The following KLK6 variants were observed in gnomAD, a reference collection of about 807,000 sequenced individuals.
The protein encoded by KLK6 is kallikrein related peptidase 6.
Under a neutral mutation model 21.7 loss-of-function variants are expected in KLK6, and 16 were observed. The observed-to-expected ratio is 0.74, with a 90% CI of 0.50 to 1.12. The LOEUF is 1.12. KLK6 is among the 50% of genes most tolerant of loss of function. The pLI is 0.00. For missense variants in KLK6, 276 were observed against 304.6 expected (o/e 0.91, Z 0.70); for synonymous variants, 116 against 120.1 (o/e 0.97, Z 0.22).
chr19:50,959,441 CT>C, intron 6 of KLK6, 125 bp from the exon 7 acceptor site: 6 of 822,560 alleles, frequency 7.3e-6, no homozygotes, highest in Non-Finnish European at 1.1e-5. Flanking sequence ...GACAGAGGTA[CT>C]TACTGAAAGA....
At chr19:50,962,829 C>A in intron 5 of KLK6, 1 of 170,014 alleles carries the variant, frequency 5.9e-6, no homozygotes, top group South Asian at 1.5e-4. Flanking sequence ...GACCATTGAT[C>A]CTTTCCCCTT....
intron 3 of KLK6, 70 bp from the exon 4 acceptor site, chr19:50,967,395 T>G: frequency 5.5e-6 from 8 of 1,441,790 alleles, no homozygotes; most frequent in Non-Finnish European, 7.5e-6. Context: ...CAACATGAAC[T>G]CCAGTCAAGA....
chr19:50,961,839 C>T lies in KLK6; in HGVS notation c.487G>A (p.Val163Met), dbSNP rs1274404450. Residue 163 changes from valine to methionine, a missense_variant, in exon 6 of 7, where the codon GTG becomes ATG. By Grantham distance (21) the Val-to-Met change is conservative (BLOSUM62 1). Transcript: ENST00000310157. ...DTIQCAYIHL[V>M]SREECEHAYP... ...GCATGCTCACACTCCTCACGGGACA[C>T]CAGGTGGATGTATGCACACTGGATG... 6 of 1,614,038 alleles carry T rather than the reference C, an allele frequency of 3.7e-6. No individual in the cohort carries two copies. Among genetic ancestry groups the T allele is most frequent in the Admixed American group, 3.3e-5 (2 of 60,010 alleles).
Position 50,967,164 on chromosome 19 carries a change from C to T in KLK6, c.197+5G>A. 6.2e-7 allele frequency: 1 copy of T among 1,609,586 alleles called. No individual in the cohort carries two copies. The highest frequency in any genetic ancestry group is 8.5e-7 in the Non-Finnish European group (1 of 1,178,094). On this transcript the variant is annotated splice_donor_5th_base_variant and intron_variant, in intron 4 of 6. Transcript: ENST00000310157. ...ATCTGCTGTTCATTTACAGTGTAGA[C>T]TCACGGTTTTTTGCAGTGGGCAGCT... is the stretch of plus-strand genomic sequence containing the variant.
In KLK6 at chr19:50,964,733, C is replaced by T. The variant is rs191917301; in HGVS notation, c.198-1184G>A. ...TATTCCTGAAACAGAGAGTCACTCC[C>T]TTGCTCAGACATCACCCATGGCTCC... On this transcript the variant is annotated intron_variant, in intron 4 of 6. Transcript: ENST00000310157. Among the ~76,000 whole-genome samples, 352 of 152,336 alleles carry T rather than the reference C, an allele frequency of 2.3e-3. 1 individual carries two copies. Among genetic ancestry groups the T allele is most frequent in the African/African-American group, 8.0e-3 (334 of 41,582 alleles).
In KLK6 at chr19:50,963,288, C is replaced by T. The variant is rs1394614009; in HGVS notation, c.445+14G>A. On this transcript the variant is annotated intron_variant, in intron 5 of 6. Transcript: ENST00000310157. Reference sequence around the variant, plus strand: ...AGCCAGTAGCCTGCTCCCCACCAGCCTCCCACTACTGACCATCTGCTGTCT... The same window carrying T: ...AGCCAGTAGCCTGCTCCCCACCAGCTTCCCACTACTGACCATCTGCTGTCT... The T allele has an allele frequency of 2.5e-6, 4 of 1,605,250 alleles. No homozygotes were observed. Among genetic ancestry groups the T allele is most frequent in the Middle Eastern group, 1.7e-4 (1 of 6,052 alleles).
At chr19:50,964,819 T>C (rs2090899792) in intron 4 of KLK6, among the ~76,000 whole-genome samples, 1 of 152,212 alleles carries the variant, frequency 6.6e-6, no homozygotes, top group African/African-American at 2.4e-5. Flanking sequence ...CTGTGTGATC[T>C]GGCTGTAGTC....
At chr19:50,967,977 A>G (rs552963631) in intron 3 of KLK6, 88 bp downstream of exon 3, 5 of 1,065,840 alleles carry the variant, frequency 4.7e-6, no homozygotes, top group Admixed American at 3.6e-5. Context: ...AACCCTGTGC[A>G]TATCCCCATC....
intron 4 of KLK6, among the ~76,000 whole-genome samples, chr19:50,963,946 T>C (rs1189432766): frequency 6.6e-6 from 1 of 152,166 alleles, no homozygotes; most frequent in African/African-American, 2.4e-5. Flanking sequence ...ATTTTAACAA[T>C]GTAAGTTGGT....
rs199553271 is a variant in KLK6 at position 50,968,061 on chromosome 19, C to G, written c.40+4G>C. ...CCTCCCCCATCCAAATGCCCTTTCC[C>G]CACCTGCAGCAATCAGACTCAGCAC... On this transcript the variant is annotated splice_donor_region_variant and intron_variant, in intron 3 of 6. Coordinates refer to ENST00000310157, the MANE Select transcript of KLK6 (RefSeq NM_002774.4). 2.5e-6 allele frequency: 4 copies of G among 1,613,948 alleles called. No individual in the cohort carries two copies. The highest frequency in any genetic ancestry group is 3.4e-6 in the Non-Finnish European group (4 of 1,179,930).
At chr19:50,969,294 C>T (rs2569520) in intron 1 of KLK6, among the ~76,000 whole-genome samples, 196 bp downstream of exon 1, 2,587 of 152,158 alleles carry the variant, frequency 0.017, 60 homozygotes, top group African/African-American at 0.057. Context: ...CTTAGACCTC[C>T]GGGTTTTGGA....
At chr19:50,966,182 C>G (rs1309259018) in intron 4 of KLK6, among the ~76,000 whole-genome samples, 1 of 152,186 alleles carries the variant, frequency 6.6e-6, no homozygotes, top group African/African-American at 2.4e-5. Flanking sequence ...TCAGATGCTC[C>G]CCTGCCTACA....
intron 3 of KLK6, among the ~76,000 whole-genome samples, chr19:50,967,552 A>ACACACACACACACAC (rs1555781654): frequency 3.2e-4 from 16 of 50,616 alleles, no homozygotes; most frequent in African/African-American, 2.0e-3. Context: ...CACACACACA[A>ACACACACACACACAC]ATTAGCAGGG....
In KLK6 at chr19:50,958,774, A is replaced by T. The variant is rs572863887; in HGVS notation, c.*390T>A. On this transcript the variant is annotated 3_prime_UTR_variant, in exon 7 of 7. Coordinates refer to ENST00000310157, the MANE Select transcript of KLK6 (RefSeq NM_002774.4). The stretch of plus-strand genomic sequence containing the variant: ...CCTTATCTTCATCTTACAGGTGAGA[A>T]ATCTGCAGTGAAGAAAGGTACATCC... 58 of 236,760 alleles carry T rather than the reference A, an allele frequency of 2.4e-4. No homozygotes were observed. Among genetic ancestry groups the T allele is most frequent in the Admixed American group, 1.7e-3 (33 of 19,658 alleles). 14.7% of individuals were successfully genotyped at this position (236,760 alleles called of 1,614,324 possible). A position where few individuals can be genotyped will look rare whatever the true frequency, so the allele number is the denominator to read the frequency against.
chr19:50,960,049 A>G (rs1322833376), intron 6 of KLK6, among the ~76,000 whole-genome samples: 32 of 66,434 alleles, frequency 4.8e-4, no homozygotes, highest in African/African-American at 8.8e-4. Flanking sequence ...GAGGAGGAGG[A>G]GGGAGAGGAG....
chr19:50,966,879 C>T lies in KLK6; in HGVS notation c.197+290G>A, dbSNP rs866979272. On this transcript the variant is annotated intron_variant, in intron 4 of 6. Transcript: ENST00000310157. ...CAGAATTAAATCCAAATGCCCATCA[C>T]GCCCTGCAGGTCCCCAAATGATCCA... Among the ~76,000 whole-genome samples the T allele has an allele frequency of 1.1e-4, 16 of 152,318 alleles. No homozygotes were observed. In the Middle Eastern group the frequency reaches 0.01, roughly 97 times the overall value.
In KLK6 at chr19:50,963,407, G is replaced by C; in HGVS notation, c.340C>G (p.Arg114Gly). Residue 114 changes from arginine to glycine, a missense_variant, in exon 5 of 7, where the codon CGC becomes GGC. Coordinates refer to ENST00000310157, the MANE Select transcript of KLK6 (RefSeq NM_002774.4). Reference sequence around the variant, plus strand: ...ATGAGTTCAGAGAGTTTGGCTGGGCGTGCCAGGCGCAACAGCATGATGTCC... The same window carrying C: ...ATGAGTTCAGAGAGTTTGGCTGGGCCTGCCAGGCGCAACAGCATGATGTCC... ...DQDIMLLRLA[R>G]PAKLSELIQP... The C allele has an allele frequency of 6.2e-7, 1 of 1,614,204 alleles. No homozygotes were observed. Among genetic ancestry groups the C allele is most frequent in the Non-Finnish European group, 8.5e-7 (1 of 1,180,028 alleles).
intron 4 of KLK6, 129 bp downstream of exon 4, chr19:50,967,040 G>A (rs184613968): frequency 1.2e-5 from 11 of 945,668 alleles, no homozygotes; most frequent in South Asian, 5.9e-5. Flanking sequence ...AGCAACAGCC[G>A]AATGCACCTG....
intron 4 of KLK6, 196 bp from the exon 5 acceptor site, chr19:50,963,745 C>A (rs1244068223): frequency 1.6e-6 from 1 of 624,066 alleles, no homozygotes; most frequent in Admixed American, 3.0e-5. Flanking sequence ...TACATCCAAG[C>A]TGTCCAGAAT....
Sources: gnomAD v4.1 joint callset for allele counts (sites outside exome capture counted in the v4.1 genomes callset) on GRCh38, gnomAD v4.1.1 for gene constraint, MANE v1.5 for transcripts, NCBI Gene and HGNC (gene_info 2026-07-23, HGNC 2026-07-21) for gene names.